Variants in AGBL4 observed in about 807,000 individuals in gnomAD.
AGBL4 encodes cytosolic carboxypeptidase 6.
AGBL4 carries 58 observed loss-of-function variants against 66.4 expected under a neutral mutation model. That is an observed-to-expected ratio of 0.87 (90% CI 0.71 to 1.09). The LOEUF (loss-of-function observed/expected upper bound fraction) is 1.09. Among genes scored for constraint, AGBL4 ranks in the 50% least tolerant of loss-of-function variants. The pLI is 0.00. For synonymous variants in AGBL4, 234 were observed against 222.9 expected (o/e 1.05, Z -0.44); for missense variants, 579 against 631.0 (o/e 0.92, Z 0.88).
chr1:48,923,857 G>A (rs922817791), intron 5 of AGBL4, among the ~76,000 whole-genome samples: 3 of 152,160 alleles, frequency 2.0e-5, no homozygotes, highest in Admixed American at 6.6e-5. Flanking sequence ...TAAAACACAA[G>A]TATTTCCTGT....
chr1:49,785,891 A>T (rs1301010431), intron 2 of AGBL4, among the ~76,000 whole-genome samples: 2 of 89,378 alleles, frequency 2.2e-5, no homozygotes, highest in South Asian at 3.5e-4. Flanking sequence ...CAGGAAAAAA[A>T]AAATATATAT....
In AGBL4 at chr1:49,134,543, G is replaced by A. The variant is rs1428047325; in HGVS notation, c.378-88743C>T. ...TGTTCATTATTAATATTCCTTACTG[G>A]GGAAAGAATTCAGTGATATTTCTCT... On this transcript the variant is annotated intron_variant, in intron 4 of 13. Coordinates refer to ENST00000371839, the MANE Select transcript of AGBL4 (RefSeq NM_032785.4). 2.2e-5 allele frequency among the ~76,000 whole-genome samples: 3 copies of A among 134,750 alleles called. No individual in the cohort carries two copies. The Admixed American group carries it at 2.9e-4, about 13-fold the overall frequency. 88.4% of individuals were successfully genotyped at this position (134,750 alleles called of 152,430 possible). A position where few individuals can be genotyped will look rare whatever the true frequency, so the allele number is the denominator to read the frequency against.
At chr1:49,021,584 C>G (rs1663254880) in intron 5 of AGBL4, among the ~76,000 whole-genome samples, 1 of 152,142 alleles carries the variant, frequency 6.6e-6, no homozygotes, top group South Asian at 2.1e-4. Flanking sequence ...TTAAAAGAAG[C>G]CAACTATTTT....
At chr1:48,659,666 G>A (rs192707760) in intron 7 of AGBL4, among the ~76,000 whole-genome samples, 1 of 152,324 alleles carries the variant, frequency 6.6e-6, no homozygotes, top group East Asian at 1.9e-4. Flanking sequence ...CTCAGCTAGT[G>A]ACCCTCTCAG....
chr1:48,998,849 A>G (rs1661197194), intron 5 of AGBL4, among the ~76,000 whole-genome samples: 1 of 152,204 alleles, frequency 6.6e-6, no homozygotes, highest in African/African-American at 2.4e-5. Flanking sequence ...AGGGAAACAT[A>G]CTTGAGAAGA....
At position 49,074,514 on chromosome 1, in the gene AGBL4, G is replaced by C. The variant is rs548196598; in HGVS notation, c.378-28714C>G. ...CTGCAGACTGGAGCTGTTCCTATTC[G>C]ACCATCTTGCCAGAAATCCATGGCT... On this transcript the variant is annotated intron_variant, in intron 4 of 13. Coordinates refer to ENST00000371839, the MANE Select transcript of AGBL4 (RefSeq NM_032785.4). Among the ~76,000 whole-genome samples, 7 of 152,196 alleles carry C rather than the reference G, an allele frequency of 4.6e-5. No individual in the cohort carries two copies. The South Asian group carries it at 1.5e-3, about 32-fold the overall frequency.
At chr1:49,949,708 G>C (rs1175450081) in intron 1 of AGBL4, among the ~76,000 whole-genome samples, 1 of 151,466 alleles carries the variant, frequency 6.6e-6, no homozygotes, top group Non-Finnish European at 1.5e-5. Context: ...AAAAATAAAT[G>C]TTGGTGTGGA....
At chr1:49,608,768 T>C (rs983934966) in intron 3 of AGBL4, among the ~76,000 whole-genome samples, 18 of 151,802 alleles carry the variant, frequency 1.2e-4, no homozygotes, top group African/African-American at 3.4e-4. Context: ...AAAAAGAGGG[T>C]TCTTCTGTGG....
intron 1 of AGBL4, among the ~76,000 whole-genome samples, chr1:49,891,809 C>G (rs1328686027): frequency 6.6e-6 from 1 of 152,140 alleles, no homozygotes; most frequent in Non-Finnish European, 1.5e-5. Flanking sequence ...ACTGGTCTCC[C>G]CATTCATTCC....
intron 2 of AGBL4, among the ~76,000 whole-genome samples, chr1:49,803,041 AAT>A (rs1644899963): frequency 1.3e-5 from 2 of 151,254 alleles, no homozygotes; most frequent in Admixed American, 6.6e-5. Flanking sequence ...TATGAAGTTA[AAT>A]ATATGATATA....
At chr1:49,518,457 G>T (rs879831384) in intron 3 of AGBL4, among the ~76,000 whole-genome samples, 3 of 151,896 alleles carry the variant, frequency 2.0e-5, no homozygotes, top group Non-Finnish European at 4.4e-5. Flanking sequence ...GATGTTTCTT[G>T]TACCATGAGT....
intron 6 of AGBL4, chr1:48,776,528 T>C (rs2148710056): frequency 8.8e-5 from 58 of 660,130 alleles, no homozygotes; most frequent in Middle Eastern, 5.3e-4. Context: ...CCCGGTCCCC[T>C]CCGCCCGGGC....
intron 1 of AGBL4, among the ~76,000 whole-genome samples, chr1:49,904,224 T>C (rs1444490085): frequency 1.3e-5 from 2 of 152,174 alleles, no homozygotes; most frequent in East Asian, 1.9e-4. Flanking sequence ...AACACAATTA[T>C]ACAACTTTAG....
At chr1:49,329,842 T>A (rs1348300788) in intron 3 of AGBL4, among the ~76,000 whole-genome samples, 7 of 152,220 alleles carry the variant, frequency 4.6e-5, no homozygotes, top group African/African-American at 1.7e-4. Context: ...GATAATTCTC[T>A]ACATTCACAC....
At chr1:49,109,508 C>G (rs1374267706) in intron 4 of AGBL4, among the ~76,000 whole-genome samples, 1 of 152,124 alleles carries the variant, frequency 6.6e-6, no homozygotes, top group Non-Finnish European at 1.5e-5. Context: ...CTCCCAGTGT[C>G]CACTCAGAAT....
intron 6 of AGBL4, among the ~76,000 whole-genome samples, chr1:48,742,129 G>T (rs533763300): frequency 2.6e-5 from 4 of 152,346 alleles, no homozygotes; most frequent in African/African-American, 9.6e-5. Context: ...GGGGATAAGG[G>T]AGTATGTCTT....
intron 3 of AGBL4, among the ~76,000 whole-genome samples, chr1:49,562,947 A>T (rs1335555789): frequency 3.3e-5 from 5 of 152,026 alleles, no homozygotes; most frequent in Non-Finnish European, 5.9e-5. Flanking sequence ...ATGAGCATGG[A>T]ATGTTCTTCC....
At chr1:49,927,916 A>T (rs1271395567) in intron 1 of AGBL4, among the ~76,000 whole-genome samples, 1 of 152,248 alleles carries the variant, frequency 6.6e-6, no homozygotes, top group African/African-American at 2.4e-5. Context: ...AGAAATGATA[A>T]AATAGACAAG....
chr1:49,233,914 T>C (rs1056906304), intron 4 of AGBL4, among the ~76,000 whole-genome samples: 3 of 152,174 alleles, frequency 2.0e-5, no homozygotes, highest in South Asian at 4.1e-4. Flanking sequence ...GGTTAGCCAA[T>C]GAAATTTGAC....
Sources: allele counts gnomAD v4.1 joint callset (sites outside exome capture counted in the v4.1 genomes callset), GRCh38; gene constraint gnomAD v4.1.1; transcripts MANE v1.5; gene names NCBI Gene and HGNC (gene_info 2026-07-23, HGNC 2026-07-21).